ERI2: variants seen among roughly 807,000 people sequenced by gnomAD.
The protein encoded by ERI2 is ERI1 exoribonuclease 2.
ERI2 carries 35 observed loss-of-function variants against 46.8 expected under a neutral mutation model. The ratio of observed to expected loss-of-function variants is 0.75; its 90% CI spans 0.57 to 0.99. The LOEUF is 0.99. Among genes scored for constraint, ERI2 ranks in the 50% least tolerant of loss-of-function variants. The pLI is 0.00. For synonymous variants in ERI2, 224 were observed against 271.0 expected, an observed-to-expected ratio of 0.83 and a Z score of 1.70; for missense variants, 695 against 796.2, an observed-to-expected ratio of 0.87 and a Z score of 1.53.
downstream of ERI2, among the ~76,000 whole-genome samples, chr16:20,795,213 G>T (rs2080696706): frequency 6.6e-6 from 1 of 152,094 alleles, no homozygotes; most frequent in African/African-American, 2.4e-5. Context: ...TAGAGACAAA[G>T]TCTCACTATG....
intron 4 of ERI2, among the ~76,000 whole-genome samples, chr16:20,801,839 A>G (rs1380108990): frequency 6.6e-6 from 1 of 151,808 alleles, no homozygotes; most frequent in Non-Finnish European, 1.5e-5. Context: ...GCTCACTGCA[A>G]CCTCCACCTC....
intron 10 of ERI2, among the ~76,000 whole-genome samples, chr16:20,787,508 C>G (rs1596532928): frequency 6.6e-6 from 1 of 152,080 alleles, no homozygotes; most frequent in South Asian, 2.1e-4. Context: ...ATTCTCAGGC[C>G]CCTGGAGAGA....
downstream of ERI2, chr16:20,792,321 C>T (rs775920299): frequency 6.2e-7 from 1 of 1,613,936 alleles, no homozygotes; most frequent in Non-Finnish European, 8.5e-7. Flanking sequence ...CAGCCCAGAC[C>T]CCATCAGAGG....
At chr16:20,786,143 T>C in intron 10 of ERI2, 1 of 1,610,276 alleles carries the variant, frequency 6.2e-7, no homozygotes, top group Non-Finnish European at 8.5e-7. Context: ...AACCTTCTCC[T>C]GCTTTCGATG....
At position 20,798,998 on chromosome 16, in the gene ERI2, C is replaced by T; in HGVS notation, c.802G>A (p.Ala268Thr). 1 of 1,536,200 alleles carries T rather than the reference C, an allele frequency of 6.5e-7. No homozygotes were observed. The highest frequency in any genetic ancestry group is 8.7e-7 in the Non-Finnish European group (1 of 1,143,232). The change falls in exon 9 of 9, where the codon GCC becomes ACC. Residue 268 changes from alanine (A) to threonine (T), a missense_variant. Transcript: ENST00000357967. ...GGACCCTGGATGCTAATGTTACAGG[C>T]AGACATTTCTTCAACTTGAATTGTA... is the stretch of plus-strand genomic sequence containing the variant. ...LNTIQVEEMS[A>T]CNISIQGPSI...
Position 20,799,019 on chromosome 16 carries a change from T to C in ERI2, c.781A>G (p.Ile261Val). The stretch of plus-strand genomic sequence containing the variant: ...CAGGCAGACATTTCTTCAACTTGAA[T>C]TGTATTCAAATTTCTGGCCAGAATG... ...FSILARNLNT[I>V]QVEEMSACNI... Residue 261 changes from isoleucine (I) to valine (V), a missense_variant, in exon 9 of 9, where the codon ATT becomes GTT. By Grantham distance (29) the Ile-to-Val change is conservative. Coordinates refer to ENST00000357967, the MANE Select transcript of ERI2 (RefSeq NM_001142725.2). 1 of 1,528,108 alleles carries C rather than the reference T, an allele frequency of 6.5e-7. No homozygotes were observed. The highest frequency in any genetic ancestry group is 8.8e-7 in the Non-Finnish European group (1 of 1,140,758). 94.7% of individuals were successfully genotyped at this position (1,528,108 alleles called of 1,614,324 possible).
At chr16:20,800,229 G>C in intron 6 of ERI2, 73 bp downstream of exon 6, 2 of 1,049,924 alleles carry the variant, frequency 1.9e-6, no homozygotes, top group South Asian at 2.9e-5. Context: ...AGAAACCCAT[G>C]CCCATGTGTA....
intron 10 of ERI2, chr16:20,781,090 C>T (rs1462300734): frequency 1.2e-6 from 2 of 1,614,162 alleles, no homozygotes; most frequent in Non-Finnish European, 1.7e-6. Context: ...TGTGTATTCA[C>T]ACACCATTTA....
At chr16:20,780,728 G>A (rs752920558) in exon 11 of ERI2, 2 of 1,614,164 alleles carry the variant, frequency 1.2e-6, no homozygotes, top group Non-Finnish European at 1.7e-6. Flanking sequence ...GCCAGTGACA[G>A]CCACACCTGT....
At chr16:20,799,677 C>G (rs2080775093) in intron 7 of ERI2, 1 of 464,904 alleles carries the variant, frequency 2.2e-6, no homozygotes, top group Non-Finnish European at 3.8e-6. Context: ...TTTCACTAGT[C>G]CATTCTATTA....
rs1189151318 is a variant in ERI2 at position 20,798,101 on chromosome 16, T to A, written c.1699A>T (p.Ser567Cys). 1.3e-6 allele frequency: 2 copies of A among 1,551,472 alleles called. No homozygotes were observed. The highest frequency in any genetic ancestry group is 3.9e-5 in the Admixed American group (2 of 50,974). The change falls in exon 9 of 9, where the codon AGT becomes TGT. Residue 567 changes from serine (S) to cysteine (C), a missense_variant. By Grantham distance (112) the Ser-to-Cys change is moderately radical. Transcript: ENST00000357967. Reference protein sequence around the residue: ...PTSSDCSPVRSSSWRRLPSIL... With the variant: ...PTSSDCSPVRCSSWRRLPSIL... ...GATGGGAGACGCCTCCAGGAAGAAC[T>A]TCTTACTGGGGAGCAATCAGATGAT...
At chr16:20,785,875 T>C (rs940395774) in intron 10 of ERI2, among the ~76,000 whole-genome samples, 1 of 152,222 alleles carries the variant, frequency 6.6e-6, no homozygotes, top group Non-Finnish European at 1.5e-5. Flanking sequence ...AATATGGATA[T>C]ATGAGTAATT....
At chr16:20,799,516 G>T in intron 7 of ERI2, 165 bp from the exon 8 acceptor site, 1 of 641,110 alleles carries the variant, frequency 1.6e-6, no homozygotes, top group Non-Finnish European at 2.6e-6. Flanking sequence ...GGTCTTGGAA[G>T]TGGAAGGCTA....
rs778764662 is a variant in ERI2 at position 20,802,837 on chromosome 16, T to C, written c.262A>G (p.Ile88Val). 4.4e-5 allele frequency: 71 copies of C among 1,611,232 alleles called. No homozygotes were observed. The highest frequency in any genetic ancestry group is 6.7e-5 in the Admixed American group (4 of 59,980). ...QAYVQPQEHP[I>V]LSEFCMELTG... ...AATTCCATGCAAAATTCTGAAAGAA[T>C]TGGATGTTCCTGAGGTTGAACATAA... The change falls in exon 4 of 9, where the codon ATT (isoleucine) becomes GTT (valine). Residue 88 changes from isoleucine to valine, a missense_variant. By Grantham distance (29) the Ile-to-Val change is conservative. Coordinates refer to ENST00000357967, the MANE Select transcript of ERI2 (RefSeq NM_001142725.2).
At position 20,790,806 on chromosome 16, in the gene ERI2, T is replaced by C. The variant is rs1470500218; in HGVS notation, c.815+44A>G. 1 of 1,613,404 alleles carries C rather than the reference T, an allele frequency of 6.2e-7. No homozygotes were observed. Among genetic ancestry groups the C allele is most frequent in the Non-Finnish European group, 8.5e-7 (1 of 1,179,656 alleles). Reference sequence around the variant, plus strand: ...ACTTGACCCTTTCTTGAGAGATTGGTTGTCCTGAATAGTAATCCAAAAGAC... The same window carrying C: ...ACTTGACCCTTTCTTGAGAGATTGGCTGTCCTGAATAGTAATCCAAAAGAC... On this transcript the variant is annotated intron_variant, in intron 9 of 10. Transcript: ENST00000300005. This position sits in a 1 kb window ranked among gnomAD's most constrained non-coding sequence, Gnocchi z 4.0.
chr16:20,785,539 G>C (rs899314258), intron 10 of ERI2, among the ~76,000 whole-genome samples: 5 of 151,532 alleles, frequency 3.3e-5, no homozygotes, highest in Non-Finnish European at 5.9e-5. Context: ...AGCTCATAGA[G>C]ATAAGGAATA....
intron 10 of ERI2, among the ~76,000 whole-genome samples, chr16:20,786,890 T>C (rs9933774): frequency 6.6e-6 from 1 of 151,986 alleles, no homozygotes; most frequent in East Asian, 1.9e-4. Flanking sequence ...ACTGGTCCTC[T>C]CAGGCAAGGG....
At position 20,798,464 on chromosome 16, in the gene ERI2, C is replaced by T. The variant is rs1182814709; in HGVS notation, c.1336G>A (p.Val446Ile). The change falls in exon 9 of 9, where the codon GTT becomes ATT. Residue 446 changes from valine (V) to isoleucine (I), a missense_variant. Coordinates refer to ENST00000357967, the MANE Select transcript of ERI2 (RefSeq NM_001142725.2). Reference sequence around the variant, plus strand: ...CTTGACATTTCCAATTCTTTCAAAACCATTAATCTTTCTCCAGAATTAAAT... The same window carrying T: ...CTTGACATTTCCAATTCTTTCAAAATCATTAATCTTTCTCCAGAATTAAAT... ...ISFNSGERLM[V>I]LKELEMSSHE... is the part of the protein sequence containing the mutation. 1.3e-6 allele frequency: 2 copies of T among 1,551,400 alleles called. No individual in the cohort carries two copies. The highest frequency in any genetic ancestry group is 3.9e-5 in the Admixed American group (2 of 50,974).
chr16:20,796,823 A>C lies in ERI2; in HGVS notation c.*901T>G. ...CTAGAATTCATAATCAAACTGCTAT[A>C]TAATTGGCTTTATGTAAAGATAAAA... On this transcript the variant is annotated 3_prime_UTR_variant, in exon 9 of 9. Transcript: ENST00000357967. 1 of 1,602,300 alleles carries C rather than the reference A, an allele frequency of 6.2e-7. No homozygotes were observed. The highest frequency in any genetic ancestry group is 8.5e-7 in the Non-Finnish European group (1 of 1,176,566).
Sources: gnomAD v4.1 joint callset for allele counts (sites outside exome capture counted in the v4.1 genomes callset) on GRCh38, gnomAD v4.1.1 for gene constraint, Gnocchi (gnomAD v3.1) non-coding constraint, MANE v1.5 for transcripts, NCBI Gene and HGNC (gene_info 2026-07-23, HGNC 2026-07-21) for gene names.